ABHD3: variants seen among roughly 807,000 people sequenced by gnomAD.
ABHD3 encodes phospholipase ABHD3.
A neutral mutation model predicts 48.8 loss-of-function variants in ABHD3; 46 were observed. The ratio of observed to expected loss-of-function variants is 0.94; its 90% CI spans 0.74 to 1.20. The LOEUF (loss-of-function observed/expected upper bound fraction) is 1.20, where lower values mean the gene tolerates loss of function less well. Ranked by LOEUF, ABHD3 falls within the 50% of genes most tolerant of loss-of-function variation. The probability of loss-of-function intolerance (pLI) is 0.00; values close to 1 mark genes in which losing one functional copy is unlikely to be tolerated. For missense variants in ABHD3, 490 were observed against 497.8 expected (o/e 0.98, Z 0.15); for synonymous variants, 192 against 183.7 (o/e 1.04, Z -0.36).
At chr18:21,653,106 G>A (rs1434852130) in intron 8 of ABHD3, among the ~76,000 whole-genome samples, 1 of 136,014 alleles carries the variant, frequency 7.4e-6, no homozygotes, top group Non-Finnish European at 1.5e-5. Flanking sequence ...GCTCACGCCT[G>A]TAATCCCAGT....
At chr18:21,653,826 T>C (rs925734140) in intron 8 of ABHD3, among the ~76,000 whole-genome samples, 1 of 150,526 alleles carries the variant, frequency 6.6e-6, no homozygotes, top group African/African-American at 2.4e-5. Flanking sequence ...AGCCCAGGAG[T>C]TTAAGGCTGC....
intron 4 of ABHD3, among the ~76,000 whole-genome samples, chr18:21,667,236 T>C (rs2039654597): frequency 1.6e-5 from 1 of 61,234 alleles, no homozygotes. Context: ...ACCACACCCT[T>C]TTTTTTTTTT....
At chr18:21,674,732 G>C (rs1350631232) in intron 4 of ABHD3, among the ~76,000 whole-genome samples, 1 of 152,162 alleles carries the variant, frequency 6.6e-6, no homozygotes, top group Admixed American at 6.5e-5. Context: ...GGAAAGGGCC[G>C]ACTTGGGTGC....
At position 21,659,255 on chromosome 18, in the gene ABHD3, C is replaced by T. The variant is rs778422068; in HGVS notation, c.757G>A (p.Ala253Thr). ...GGTTTTTCCAATGACTCTGAGCAAG[C>T]GAAGGTGTTCCAACCAACGGAAAAA... Reference protein sequence around the residue: ...ATFSVGWNTFACSESLEKPLN... With the variant: ...ATFSVGWNTFTCSESLEKPLN... The change falls in exon 6 of 9, where the codon GCT becomes ACT. Residue 253 changes from alanine to threonine, a missense_variant. Ala to Thr is a moderately conservative substitution (Grantham distance 58). Coordinates refer to ENST00000289119, the MANE Select transcript of ABHD3 (RefSeq NM_138340.5). 7 of 1,613,746 alleles carry T rather than the reference C, an allele frequency of 4.3e-6. No homozygotes were observed. The highest frequency in any genetic ancestry group is 3.3e-5 in the Admixed American group (2 of 59,948).
At chr18:21,655,175 T>C (rs959683374) in intron 8 of ABHD3, 12 of 152,292 alleles carry the variant, frequency 7.9e-5, no homozygotes, top group African/African-American at 2.9e-4. Flanking sequence ...ACACTGGGGA[T>C]TTTCTGAAAA....
rs150746310 is a variant in ABHD3 at position 21,704,716 on chromosome 18, C to CGAGCGGGCGA, written c.-61_-52dup. 0.13 allele frequency: 176,711 copies of CGAGCGGGCGA among 1,316,832 alleles called. 19,178 individuals are homozygous for CGAGCGGGCGA. The highest frequency in any genetic ancestry group is 0.43 in the African/African-American group (26,195 of 61,120). The allele number at this position is 1,316,832 out of a possible 1,614,324, so 81.6% of individuals were successfully genotyped here. On this transcript the variant is annotated 5_prime_UTR_variant, in exon 1 of 9. Coordinates refer to ENST00000289119, the MANE Select transcript of ABHD3 (RefSeq NM_138340.5). ...CTGCGGCGGGAGGAGAGCCGGCTGG[C>CGAGCGGGCGA]GAGCGGGCGAGAGCGGGCGAGAGCG...
chr18:21,688,644 A>G (rs796687601), intron 3 of ABHD3, among the ~76,000 whole-genome samples: 25 of 152,282 alleles, frequency 1.6e-4, no homozygotes, highest in African/African-American at 6.0e-4. Context: ...AAAAAACAAG[A>G]CAGTATAGGA....
chr18:21,702,459 C>T lies in ABHD3; in HGVS notation c.366G>A (p.Leu122=), dbSNP rs546019942. The T allele has an allele frequency of 1.2e-4, 194 of 1,609,518 alleles. No individual in the cohort carries two copies. Among genetic ancestry groups the T allele is most frequent in the Admixed American group, 7.2e-4 (43 of 59,376 alleles). ...IKTADGGQIS[L]DWFDNDNSTC... ...TACTGTTATCATTATCAAACCAGTC[C>T]AGTGAAATCTGTCCTCCATCTGCAG... Residue 122 remains leucine, a synonymous_variant, in exon 3 of 9, where the codon CTG becomes CTA. Transcript: ENST00000289119.
At chr18:21,660,731 A>G (rs1233226237) in intron 5 of ABHD3, among the ~76,000 whole-genome samples, 1 of 152,174 alleles carries the variant, frequency 6.6e-6, no homozygotes, top group African/African-American at 2.4e-5. Context: ...GAAAGTGGAC[A>G]TTTAGCTTTT....
intron 4 of ABHD3, among the ~76,000 whole-genome samples, chr18:21,664,800 A>T (rs1224588715): frequency 3.9e-5 from 6 of 152,092 alleles, no homozygotes; most frequent in Non-Finnish European, 8.8e-5. Flanking sequence ...ACAGATTTTT[A>T]AAAAAATGTT....
chr18:21,694,402 C>T (rs1217716033), intron 3 of ABHD3, among the ~76,000 whole-genome samples: 2 of 152,154 alleles, frequency 1.3e-5, no homozygotes, highest in Non-Finnish European at 2.9e-5. Flanking sequence ...CAGCCAGTAC[C>T]ACATTTAGAA....
At position 21,659,760 on chromosome 18, in the gene ABHD3, C is replaced by A. The variant is rs144948178; in HGVS notation, c.669-417G>T. Among the ~76,000 whole-genome samples, 572 of 152,116 alleles carry A rather than the reference C, an allele frequency of 3.8e-3. 4 individuals are homozygous for A. The highest frequency in any genetic ancestry group is 0.017 in the East Asian group (87 of 5,148). ...CTCGGCTCACTGCAACCTCCACCCC[C>A]CTGGTTCAAGCGATTATCCTGCCTC... On this transcript the variant is annotated intron_variant, in intron 5 of 8. Transcript: ENST00000289119.
At chr18:21,674,110 T>C (rs753658046) in intron 4 of ABHD3, among the ~76,000 whole-genome samples, 4 of 152,158 alleles carry the variant, frequency 2.6e-5, no homozygotes, top group Non-Finnish European at 5.9e-5. Context: ...TTGAAGTGTA[T>C]GGGGAAGTAC....
At position 21,651,211 on chromosome 18, in the gene ABHD3, T is replaced by C. The variant is rs939558215; in HGVS notation, c.*380A>G. 6.3e-6 allele frequency: 1 copy of C among 157,720 alleles called. No homozygotes were observed. Among genetic ancestry groups the C allele is most frequent in the African/African-American group, 2.4e-5 (1 of 41,480 alleles). 9.8% of individuals were successfully genotyped at this position (157,720 alleles called of 1,614,324 possible). On this transcript the variant is annotated 3_prime_UTR_variant, in exon 9 of 9. Coordinates refer to ENST00000289119, the MANE Select transcript of ABHD3 (RefSeq NM_138340.5). ...TGAAATAGCCAATATTTCTTAGTAG[T>C]TATTAAAGTACCATTAAATCACCTA...
chr18:21,667,540 C>T (rs570602049), intron 4 of ABHD3, among the ~76,000 whole-genome samples: 3 of 152,132 alleles, frequency 2.0e-5, no homozygotes, highest in African/African-American at 4.8e-5. Context: ...CGCGCCCAGC[C>T]GAAAATTATA....
intron 4 of ABHD3, among the ~76,000 whole-genome samples, chr18:21,668,333 TGA>T (rs1380211128): frequency 6.6e-6 from 1 of 152,158 alleles, no homozygotes; most frequent in African/African-American, 2.4e-5. Context: ...TTATTGCAGG[TGA>T]GTCTATTCAC....
intron 3 of ABHD3, among the ~76,000 whole-genome samples, chr18:21,698,545 ATTTTCTTTT>A (rs2040438873): frequency 6.6e-6 from 1 of 151,028 alleles, no homozygotes; most frequent in South Asian, 2.1e-4. Flanking sequence ...AGACATAAAC[ATTTTCTTTT>A]TTTTCTTTTT....
chr18:21,703,860 C>T, intron 1 of ABHD3, 113 bp from the exon 2 acceptor site: 1 of 1,208,362 alleles, frequency 8.3e-7, no homozygotes, highest in Non-Finnish European at 1.2e-6. Flanking sequence ...GATTACAACT[C>T]TTTCTGGAGG....
At chr18:21,665,739 G>A (rs1358639597) in intron 4 of ABHD3, among the ~76,000 whole-genome samples, 4 of 151,716 alleles carry the variant, frequency 2.6e-5, no homozygotes, top group Admixed American at 1.3e-4. Context: ...GTGAACCCGG[G>A]AGGTGGAGCT....
Sources: gnomAD v4.1 joint callset for allele counts (sites outside exome capture counted in the v4.1 genomes callset) on GRCh38, gnomAD v4.1.1 for gene constraint, MANE v1.5 for transcripts, NCBI Gene and HGNC (gene_info 2026-07-23, HGNC 2026-07-21) for gene names.